Variants in C13orf42 observed in about 807,000 individuals in gnomAD.
C13orf42 encodes the protein chromosome 13 open reading frame 42.
At chr13:51,159,706 T>C (rs1953849742) in intron 1 of C13orf42, among the ~76,000 whole-genome samples, 1 of 152,214 alleles carries the variant, frequency 6.6e-6, no homozygotes. Flanking sequence ...TAAAGCTCCA[T>C]TAAGTCAGCT....
At chr13:51,088,109 C>T (rs1013557037) in intron 1 of C13orf42, 34 bp from the exon 2 acceptor site, 1 of 398,556 alleles carries the variant, frequency 2.5e-6, no homozygotes, top group African/African-American at 2.1e-5. Flanking sequence ...AGAGAGTTGC[C>T]TGAGCCAGTA....
rs1027350710 is a variant in C13orf42, at chr13:51,085,482, C to T, written c.640G>A (p.Ala214Thr). 2 of 398,574 alleles carry T rather than the reference C, an allele frequency of 5.0e-6. No individual in the cohort carries two copies. The highest frequency in any genetic ancestry group is 8.8e-6 in the Non-Finnish European group (2 of 226,078). 24.7% of individuals were successfully genotyped at this position (398,574 alleles called of 1,614,324 possible). A position where few individuals can be genotyped will look rare whatever the true frequency, so the allele number is the denominator to read the frequency against. ...TCTACAGTATGCACAGTGTGGGCAG[C>T]GATATCCTCGGAGTGTCTGCGCGGT... ...RAPRRHSEDI[A>T]AHTVHTVDGQ... is the part of the protein sequence containing the mutation. The change falls in exon 3 of 4, where the codon GCT becomes ACT. Residue 214 changes from alanine to threonine, a missense_variant. Ala to Thr is a moderately conservative substitution (Grantham distance 58). Transcript: ENST00000563710.
At chr13:51,094,874 G>T (rs1468022182) in intron 1 of C13orf42, among the ~76,000 whole-genome samples, 1 of 152,094 alleles carries the variant, frequency 6.6e-6, no homozygotes, top group African/African-American at 2.4e-5. Context: ...ATTCCCATGT[G>T]TTATGGGAAG....
chr13:51,117,786 A>G (rs888145061), intron 1 of C13orf42, among the ~76,000 whole-genome samples: 2 of 152,096 alleles, frequency 1.3e-5, no homozygotes, highest in South Asian at 4.1e-4. Flanking sequence ...GAATATACAT[A>G]TTTATTTTTC....
At chr13:51,165,880 G>A (rs1443742810) in intron 1 of C13orf42, among the ~76,000 whole-genome samples, 1 of 152,052 alleles carries the variant, frequency 6.6e-6, no homozygotes, top group Non-Finnish European at 1.5e-5. Context: ...ATTTTTAATC[G>A]GCATAGCACT....
intron 3 of C13orf42, 53 bp from the exon 4 acceptor site, chr13:51,084,378 A>AG (rs1566121109): frequency 2.5e-6 from 1 of 398,268 alleles, no homozygotes; most frequent in Non-Finnish European, 4.4e-6. Flanking sequence ...CCGGCCACAC[A>AG]GAGGGAAGGG....
chr13:51,084,583 G>A (rs1953101915), intron 3 of C13orf42, among the ~76,000 whole-genome samples: 1 of 152,242 alleles, frequency 6.6e-6, no homozygotes, highest in African/African-American at 2.4e-5. Context: ...GTCTGTTACT[G>A]TGGAAGGGAA....
rs1002733415 is a variant in C13orf42 at position 51,083,852 on chromosome 13, G to C, written c.*299C>G. The C allele has an allele frequency of 1.7e-5, 4 of 235,258 alleles. No individual in the cohort carries two copies. The highest frequency in any genetic ancestry group is 1.1e-4 in the Admixed American group (2 of 17,608). 14.6% of individuals were successfully genotyped at this position (235,258 alleles called of 1,614,324 possible). On this transcript the variant is annotated 3_prime_UTR_variant, in exon 4 of 4. Coordinates refer to ENST00000563710, the MANE Select transcript of C13orf42 (RefSeq NM_001351589.3). ...CCAGGCCAGGTGAGGTCAGGGGAGT[G>C]AGCCCAGACACTCCACTCAAGACCT... is the stretch of plus-strand genomic sequence containing the variant.
chr13:51,122,098 TA>T (rs1953540242), intron 1 of C13orf42, among the ~76,000 whole-genome samples: 1 of 152,114 alleles, frequency 6.6e-6, no homozygotes, highest in East Asian at 1.9e-4. Context: ...AATACACAAA[TA>T]TTTTTAGTAT....
chr13:51,142,604 AAAAAG>A (rs1293806656), intron 1 of C13orf42, among the ~76,000 whole-genome samples: 109 of 150,406 alleles, frequency 7.2e-4, no homozygotes, highest in African/African-American at 2.5e-3. Context: ...TTAAAAAAAA[AAAAAG>A]AAAGAAGAAA....
chr13:51,114,187 G>C (rs545684650), upstream of C13orf42, among the ~76,000 whole-genome samples: 6 of 152,304 alleles, frequency 3.9e-5, no homozygotes, highest in African/African-American at 1.4e-4. Context: ...CTCATGACTG[G>C]AAGGGCAGGC....
At chr13:51,161,750 C>T in intron 1 of C13orf42, 1 of 277,982 alleles carries the variant, frequency 3.6e-6, no homozygotes, top group Non-Finnish European at 7.0e-6. Context: ...CCATGATGTG[C>T]TTCTGATGCA....
intron 1 of C13orf42, among the ~76,000 whole-genome samples, chr13:51,143,149 G>A (rs923236499): frequency 6.6e-6 from 1 of 152,118 alleles, no homozygotes; most frequent in Non-Finnish European, 1.5e-5. Flanking sequence ...ACCAAGTCCT[G>A]CTAAATCTTA....
chr13:51,101,521 A>G (rs1346855703), intron 1 of C13orf42, among the ~76,000 whole-genome samples: 2 of 152,222 alleles, frequency 1.3e-5, no homozygotes, highest in Admixed American at 6.5e-5. Flanking sequence ...ACTAAAAAAA[A>G]GAAAAGGCAT....
intron 1 of C13orf42, among the ~76,000 whole-genome samples, chr13:51,122,769 C>A (rs1361848664): frequency 1.3e-5 from 2 of 152,176 alleles, no homozygotes; most frequent in Non-Finnish European, 2.9e-5. Context: ...GGTAAATCCT[C>A]AGGGCCTTGT....
At chr13:51,104,908 A>G (rs7324378) in intron 1 of C13orf42, among the ~76,000 whole-genome samples, 18,573 of 152,118 alleles carry the variant, frequency 0.12, 1,497 homozygotes, top group African/African-American at 0.23. Flanking sequence ...GAACAAGCAA[A>G]TGAGACAGGC....
chr13:51,126,935 C>A (rs1174953322), intron 1 of C13orf42, among the ~76,000 whole-genome samples: 3 of 152,146 alleles, frequency 2.0e-5, no homozygotes, highest in African/African-American at 7.2e-5. Flanking sequence ...GATGCCAAGG[C>A]AGGTGGATTC....
chr13:51,171,746 T>C (rs1400731237), intron 1 of C13orf42, among the ~76,000 whole-genome samples: 1 of 152,164 alleles, frequency 6.6e-6, no homozygotes, highest in Non-Finnish European at 1.5e-5. Context: ...AATGCTCCTT[T>C]TTCTTTACCC....
chr13:51,124,613 T>C (rs1953561629), intron 1 of C13orf42, among the ~76,000 whole-genome samples: 1 of 152,172 alleles, frequency 6.6e-6, no homozygotes. Flanking sequence ...TGGAAGACAG[T>C]GAAGAGAGGC....
Sources: gnomAD v4.1 joint callset for allele counts (sites outside exome capture counted in the v4.1 genomes callset) on GRCh38, gnomAD v4.1.1 for gene constraint, MANE v1.5 for transcripts, NCBI Gene and HGNC (gene_info 2026-07-23, HGNC 2026-07-21) for gene names.